MYH13: variants seen among roughly 807,000 people sequenced by gnomAD.
MYH13 encodes the protein myosin heavy chain 13, also known as myosin-13.
MYH13 carries 177 observed loss-of-function variants against 232.1 expected under a neutral mutation model. The ratio of observed to expected loss-of-function variants is 0.76; its 90% CI spans 0.67 to 0.86. The LOEUF (loss-of-function observed/expected upper bound fraction) is 0.86. Among genes scored for constraint, MYH13 ranks in the 40% least tolerant of loss-of-function variants. MYH13 has a pLI of 0.00. For synonymous variants in MYH13, 884 were observed against 923.5 expected (o/e 0.96, Z 0.78); for missense variants, 2,246 against 2,405.9 (o/e 0.93, Z 1.39).
chr17:10,336,768 G>T (rs1470628277), intron 18 of MYH13, among the ~76,000 whole-genome samples: 4 of 152,066 alleles, frequency 2.6e-5, no homozygotes, highest in Non-Finnish European at 4.4e-5. Flanking sequence ...AACCTGCTTG[G>T]CCTGTTCATG....
chr17:10,323,820 GAA>G (rs1907094356), intron 23 of MYH13, among the ~76,000 whole-genome samples, 200 bp downstream of exon 23: 2 of 141,338 alleles, frequency 1.4e-5, no homozygotes, highest in African/African-American at 5.3e-5. Flanking sequence ...AGAAGAAGAA[GAA>G]GAAGAAGAAG....
chr17:10,317,012 G>T (rs2142228367), intron 27 of MYH13, among the ~76,000 whole-genome samples: 1 of 152,300 alleles, frequency 6.6e-6, no homozygotes, highest in African/African-American at 2.4e-5. Flanking sequence ...GAAACGCGAT[G>T]GCAGCTTGCA....
At chr17:10,309,951 T>G in intron 33 of MYH13, 121 bp from the exon 34 acceptor site, 1 of 880,398 alleles carries the variant, frequency 1.1e-6, no homozygotes, top group Non-Finnish European at 1.6e-6. Flanking sequence ...TTTAAATTTT[T>G]TTTTTTTTTT....
intron 3 of MYH13, among the ~76,000 whole-genome samples, chr17:10,363,065 G>A (rs2071806017): frequency 6.6e-6 from 1 of 152,034 alleles, no homozygotes; most frequent in African/African-American, 2.4e-5. Context: ...ATTTGGGGGT[G>A]CATCATGGTT....
In MYH13 at chr17:10,318,904, C is replaced by T. The variant is rs1387398922; in HGVS notation, c.3624G>A (p.Gly1208=). 2.5e-6 allele frequency: 4 copies of T among 1,614,118 alleles called. No individual in the cohort carries two copies. In the Admixed American group the frequency reaches 5.0e-5, roughly 20 times the overall value. ...CCCGCTGCAGGTTGTCAATCTGCTC[C>T]CCAAGCTCGGCCACACTATCTGCTT... ...KKQADSVAEL[G]EQIDNLQRVK... is the part of the protein sequence containing the mutation. The change falls in exon 27 of 41, where the codon GGG becomes GGA. Residue 1208 remains glycine, a synonymous_variant. Coordinates refer to ENST00000252172, the MANE Select transcript of MYH13 (RefSeq NM_003802.3).
At chr17:10,301,733 T>C in intron 39 of MYH13, 30 bp from the exon 40 acceptor site, 1 of 1,609,720 alleles carries the variant, frequency 6.2e-7, no homozygotes, top group South Asian at 1.1e-5. Flanking sequence ...GGTATGACGC[T>C]GTAGAGCCTC....
chr17:10,319,128 C>T lies in MYH13; in HGVS notation c.3400G>A (p.Ala1134Thr). The change falls in exon 27 of 41, where the codon GCC (alanine) becomes ACC (threonine). Residue 1134 changes from alanine (A) to threonine (T), a missense_variant. Transcript: ENST00000252172. ...TCTGAGCGCTGCTTCTCAATCTTGG[C>T]TCTGAGCGTGTGTTCCGCTTCAATT... is the stretch of plus-strand genomic sequence containing the variant. The part of the protein sequence containing the change: ...EEIEAEHTLR[A>T]KIEKQRSDLA... 6.2e-7 allele frequency: 1 copy of T among 1,614,180 alleles called. No homozygotes were observed. Among genetic ancestry groups the T allele is most frequent in the African/African-American group, 1.3e-5 (1 of 75,040 alleles).
At chr17:10,334,365 C>CGTA (rs1449562705) in intron 18 of MYH13, among the ~76,000 whole-genome samples, 3 of 151,992 alleles carry the variant, frequency 2.0e-5, no homozygotes, top group African/African-American at 7.3e-5. Flanking sequence ...TGTCAGATAC[C>CGTA]GTAGTGACCA....
rs1906078867 is a variant in MYH13, at chr17:10,301,267, C to CAGT, written c.5802+299_5802+301dup. Among the ~76,000 whole-genome samples the CAGT allele has an allele frequency of 2.0e-5, 3 of 152,172 alleles. No individual in the cohort carries two copies. The South Asian group carries it at 6.2e-4, about 31-fold the overall frequency. On this transcript the variant is annotated intron_variant, in intron 40 of 40. Coordinates refer to ENST00000252172, the MANE Select transcript of MYH13 (RefSeq NM_003802.3). ...GGAACCACAGGAGTCTTTGCTCAAACAGTAGCATTTGGGAGTGTGCAACCA... is the reference window on the plus strand; with the variant it reads ...GGAACCACAGGAGTCTTTGCTCAAACAGTAGTAGCATTTGGGAGTGTGCAACCA...
intron 23 of MYH13, among the ~76,000 whole-genome samples, chr17:10,323,777 AAAAAAAAAAAAAGAAGAAGAAG>A (rs1479058180): frequency 6.6e-5 from 7 of 106,372 alleles, no homozygotes; most frequent in African/African-American, 1.7e-4. Flanking sequence ...AAAAAAAAAA[AAAAAAAAAAAAAGAAGAAGAAG>A]AAGAAGAAGA....
chr17:10,330,470 CT>C lies in MYH13; in HGVS notation c.2351del (p.Lys784SerfsTer3). On this transcript the variant is annotated frameshift_variant, in exon 21 of 41. Coordinates refer to ENST00000252172, the MANE Select transcript of MYH13 (RefSeq NM_003802.3). LOFTEE classifies it high-confidence loss of function. ...LGLLEEMRDEKLVTLMTSTQA... is the reference protein window; with the variant it reads ...LGLLEEMRDEXLVTLMTSTQA... Reference sequence around the variant, plus strand: ...GCGTGCTTGTCATCAGCGTCACCAGCTTCTCATCTCTCATCTCCTCCAAAAG... The same window carrying C: ...GCGTGCTTGTCATCAGCGTCACCAGCTCTCATCTCTCATCTCCTCCAAAAG... The C allele has an allele frequency of 1.2e-6, 2 of 1,612,682 alleles. No homozygotes were observed. The highest frequency in any genetic ancestry group is 1.3e-5 in the African/African-American group (1 of 75,024).
At chr17:10,316,527 C>T (rs1032499440) in intron 27 of MYH13, among the ~76,000 whole-genome samples, 1 of 152,042 alleles carries the variant, frequency 6.6e-6, no homozygotes, top group Non-Finnish European at 1.5e-5. Flanking sequence ...CTTGGAACAT[C>T]AGGTAGATAA....
In MYH13 at chr17:10,372,663, G is replaced by T. The variant is rs533656982; in HGVS notation, c.-64+316C>A. Among the ~76,000 whole-genome samples, 58 of 152,306 alleles carry T rather than the reference G, an allele frequency of 3.8e-4. 1 individual carries two copies. The highest frequency in any genetic ancestry group is 5.1e-4 in the Non-Finnish European group (35 of 68,030). The stretch of plus-strand genomic sequence containing the variant: ...ATACCACAAGTTACCAAGTTAATTT[G>T]CTAACTGAACAGTATAACATTGACC... On this transcript the variant is annotated intron_variant, in intron 1 of 40. Coordinates refer to ENST00000252172, the MANE Select transcript of MYH13 (RefSeq NM_003802.3).
intron 8 of MYH13, among the ~76,000 whole-genome samples, chr17:10,356,603 T>C (rs1567671740): frequency 1.3e-5 from 2 of 152,182 alleles, no homozygotes. Flanking sequence ...AAACTGGCAG[T>C]GCACAGGGTA....
At position 10,321,672 on chromosome 17, in the gene MYH13, C is replaced by T; in HGVS notation, c.2971G>A (p.Glu991Lys). The T allele has an allele frequency of 1.9e-6, 3 of 1,613,472 alleles. No individual in the cohort carries two copies. The highest frequency in any genetic ancestry group is 2.5e-6 in the Non-Finnish European group (3 of 1,179,706). ...TCTTTGGTCAATTTGGAAATGTTTT[C>T]TTCAAGTGCTGTCATTTCTTCGGAA... Reference protein sequence around the residue: ...NLSEEMTALEENISKLTKEKK... With the variant: ...NLSEEMTALEKNISKLTKEKK... The change falls in exon 24 of 41, where the codon GAA becomes AAA. Residue 991 changes from glutamate (E) to lysine (K), a missense_variant. Glu to Lys is a moderately conservative substitution (Grantham distance 56, BLOSUM62 1). Transcript: ENST00000252172.
rs370257882 is a variant in MYH13, at chr17:10,306,571, C to G, written c.5354G>C (p.Arg1785Pro). ...KEQDTSAHLE[R>P]MKKNLEQTVK... ...CGTCTGCTCCAGGTTCTTCTTCATCCGCTCCAGGTGGGCGCTGGTGTCCTG... is the reference window on the plus strand; with the variant it reads ...CGTCTGCTCCAGGTTCTTCTTCATCGGCTCCAGGTGGGCGCTGGTGTCCTG... Residue 1785 changes from arginine (R) to proline (P), a missense_variant, in exon 37 of 41, where the codon CGG (arginine) becomes CCG (proline). Physicochemically the swap from Arg to Pro is moderately radical, Grantham distance 103 (BLOSUM62 -2). Transcript: ENST00000252172. This position sits in a 1 kb window ranked among gnomAD's most constrained non-coding sequence, Gnocchi z 4.3. The G allele has an allele frequency of 6.2e-7, 1 of 1,614,132 alleles. No individual in the cohort carries two copies. Among genetic ancestry groups the G allele is most frequent in the South Asian group, 1.1e-5 (1 of 91,066 alleles).
At chr17:10,310,454 G>T (rs1906471319) in intron 33 of MYH13, among the ~76,000 whole-genome samples, 1 of 152,162 alleles carries the variant, frequency 6.6e-6, no homozygotes, top group South Asian at 2.1e-4. Flanking sequence ...AGAGGTCTGA[G>T]TATTTGGCTT....
chr17:10,362,478 A>G lies in MYH13; in HGVS notation c.230T>C (p.Val77Ala). The G allele has an allele frequency of 6.2e-7, 1 of 1,614,134 alleles. No homozygotes were observed. Among genetic ancestry groups the G allele is most frequent in the Admixed American group, 1.7e-5 (1 of 60,010 alleles). Residue 77 changes from valine to alanine, a missense_variant, in exon 4 of 41, where the codon GTC becomes GCC. Transcript: ENST00000252172. ...DRMLTLNNDQ[V>A]FPMNPPKFDK... ...AAATTTGGGAGGGTTCATGGGGAAGACCTGGTCATTGTTCAGAGTGAGCAT... is the reference window on the plus strand; with the variant it reads ...AAATTTGGGAGGGTTCATGGGGAAGGCCTGGTCATTGTTCAGAGTGAGCAT...
rs11390504 is a variant in MYH13, at chr17:10,363,315, C to CAAAAAAAAA, written c.205-821_205-813dup. Among the ~76,000 whole-genome samples the CAAAAAAAAA allele has an allele frequency of 1.1e-3, 98 of 91,748 alleles. 1 individual carries two copies. Among genetic ancestry groups the CAAAAAAAAA allele is most frequent in the African/African-American group, 4.4e-3 (94 of 21,276 alleles). 60.2% of individuals were successfully genotyped at this position (91,748 alleles called of 152,430 possible). ...TGGGCGACACAGTGAGACTCCGTCTCAAAAAAAAAAAAAAAAAAAAATAGG... is the reference window on the plus strand; with the variant it reads ...TGGGCGACACAGTGAGACTCCGTCTCAAAAAAAAAAAAAAAAAAAAAAAAAAAAAATAGG... On this transcript the variant is annotated intron_variant, in intron 3 of 40. Coordinates refer to ENST00000252172, the MANE Select transcript of MYH13 (RefSeq NM_003802.3).
Sources: gnomAD v4.1 joint callset for allele counts (sites outside exome capture counted in the v4.1 genomes callset) on GRCh38, gnomAD v4.1.1 for gene constraint, Gnocchi (gnomAD v3.1) non-coding constraint, MANE v1.5 for transcripts, NCBI Gene and HGNC (gene_info 2026-07-23, HGNC 2026-07-21) for gene names.